The following DPP6 variants were observed in gnomAD, a reference collection of about 807,000 sequenced individuals.
The protein encoded by DPP6 is A-type potassium channel modulatory protein DPP6.
Under a neutral mutation model 122.6 loss-of-function variants are expected in DPP6, and 69 were observed. That is an observed-to-expected ratio of 0.56 (90% CI 0.46 to 0.69). The LOEUF is 0.69. Among genes scored for constraint, DPP6 ranks in the 30% least tolerant of loss-of-function variants. The pLI, the probability that DPP6 is intolerant of heterozygous loss-of-function variation, is 0.00. For synonymous variants in DPP6, 418 were observed against 433.1 expected, an observed-to-expected ratio of 0.97 and a Z score of 0.43; for missense variants, 928 against 1,116.9, an observed-to-expected ratio of 0.83 and a Z score of 2.41.
intron 5 of DPP6, among the ~76,000 whole-genome samples, chr7:154,623,404 C>T (rs751669144): frequency 1.6e-4 from 25 of 152,124 alleles, no homozygotes; most frequent in Non-Finnish European, 3.1e-4. Context: ...GTGGGAGGGG[C>T]GGTGCCTTTT....
intron 1 of DPP6, among the ~76,000 whole-genome samples, chr7:153,969,517 T>C (rs2129032627): frequency 6.8e-6 from 1 of 147,524 alleles, no homozygotes; most frequent in Admixed American, 6.6e-5. Context: ...GATAAACTCA[T>C]TAAATCACAT....
rs141537019 is a variant in DPP6, at chr7:154,362,447, C to A, written c.244-83767C>A. Among the ~76,000 whole-genome samples the A allele has an allele frequency of 1.3e-3, 204 of 152,296 alleles. 2 individuals are homozygous for A. The East Asian group carries it at 0.026, about 19-fold the overall frequency. The stretch of plus-strand genomic sequence containing the variant: ...TTTTGCTTTTTGAGACGGAGTTTCA[C>A]CCTGTTGCCCAGACTGGAATGCAGT... On this transcript the variant is annotated intron_variant, in intron 1 of 25. Transcript: ENST00000377770.
At chr7:154,825,973 A>G (rs940839) in intron 16 of DPP6, among the ~76,000 whole-genome samples, 119,921 of 152,096 alleles carry the variant, frequency 0.79, 47,422 homozygotes, top group Non-Finnish European at 0.82. Context: ...GGTTCCAGCC[A>G]CTCATCCCAC....
intron 17 of DPP6, among the ~76,000 whole-genome samples, chr7:154,865,130 C>T (rs934609286): frequency 6.6e-6 from 1 of 152,212 alleles, no homozygotes; most frequent in Non-Finnish European, 1.5e-5. Flanking sequence ...TTGCCACTAG[C>T]AGACCCCCCC....
intron 1 of DPP6, among the ~76,000 whole-genome samples, chr7:154,093,152 C>T (rs1024614581): frequency 7.3e-6 from 1 of 136,744 alleles, no homozygotes; most frequent in African/African-American, 2.7e-5. Context: ...TGACATCATA[C>T]ATCATACACA....
At chr7:154,704,029 C>G (rs778609622) in intron 7 of DPP6, among the ~76,000 whole-genome samples, 7 of 152,198 alleles carry the variant, frequency 4.6e-5, no homozygotes, top group Non-Finnish European at 8.8e-5. Flanking sequence ...CATTGAAAGC[C>G]TTCTGGAAAG....
intron 1 of DPP6, among the ~76,000 whole-genome samples, chr7:154,259,858 A>G (rs983673687): frequency 3.3e-5 from 5 of 152,290 alleles, no homozygotes; most frequent in African/African-American, 1.2e-4. Flanking sequence ...TGAAGCATCT[A>G]CCGTAAGGAG....
chr7:154,018,608 C>T (rs1254315367), intron 1 of DPP6, among the ~76,000 whole-genome samples: 2 of 152,266 alleles, frequency 1.3e-5, no homozygotes, highest in African/African-American at 4.8e-5. Flanking sequence ...CATGACATTA[C>T]ATAGGAGAGC....
intron 18 of DPP6, among the ~76,000 whole-genome samples, 172 bp from the exon 19 acceptor site, chr7:154,872,452 C>T (rs776867783): frequency 2.6e-5 from 4 of 152,210 alleles, no homozygotes; most frequent in Non-Finnish European, 4.4e-5. Context: ...TGCCCAAGGC[C>T]GCGCAGCAGG....
intron 1 of DPP6, among the ~76,000 whole-genome samples, chr7:154,077,901 C>G (rs191937862): frequency 1.5e-3 from 233 of 152,178 alleles, no homozygotes; most frequent in African/African-American, 5.2e-3. Context: ...GATCTCTTGA[C>G]CTCATGATCT....
At chr7:154,087,517 G>C (rs1354488619) in intron 1 of DPP6, among the ~76,000 whole-genome samples, 11 of 152,210 alleles carry the variant, frequency 7.2e-5, no homozygotes, top group Non-Finnish European at 1.6e-4. Flanking sequence ...TTAGCCGCAG[G>C]CCAGGGACCT....
chr7:154,510,932 ACATG>A (rs1347240270), intron 3 of DPP6, among the ~76,000 whole-genome samples: 2 of 69,210 alleles, frequency 2.9e-5, no homozygotes, highest in Admixed American at 2.1e-4. Context: ...ATACACACAC[ACATG>A]CACACACACA....
intron 8 of DPP6, among the ~76,000 whole-genome samples, chr7:154,759,462 G>A (rs943509479): frequency 6.6e-5 from 10 of 152,212 alleles, no homozygotes; most frequent in African/African-American, 1.4e-4. Context: ...GCAATAGGAC[G>A]GAAGGGGACC....
chr7:154,805,072 A>AC (rs1206084449), intron 15 of DPP6, 108 bp downstream of exon 15: 2 of 1,422,204 alleles, frequency 1.4e-6, no homozygotes, highest in African/African-American at 2.8e-5. Context: ...GCAAAGACAG[A>AC]CCCCACCACA....
At chr7:154,216,874 G>C (rs1209865788) in intron 1 of DPP6, among the ~76,000 whole-genome samples, 3 of 129,688 alleles carry the variant, frequency 2.3e-5, no homozygotes, top group African/African-American at 8.9e-5. Context: ...TCATATATAT[G>C]TTAAAGCTTA....
At chr7:154,414,874 C>T (rs1035276114) in intron 1 of DPP6, among the ~76,000 whole-genome samples, 6 of 152,204 alleles carry the variant, frequency 3.9e-5, no homozygotes, top group African/African-American at 1.4e-4. Context: ...ATCTGAAGCT[C>T]TGGTGGCTTT....
chr7:154,136,105 G>A (rs1395432520), intron 1 of DPP6, among the ~76,000 whole-genome samples: 1 of 152,144 alleles, frequency 6.6e-6, no homozygotes, highest in African/African-American at 2.4e-5. Flanking sequence ...CCTCTCTTGT[G>A]TTTCTCCAAT....
intron 8 of DPP6, among the ~76,000 whole-genome samples, chr7:154,746,499 C>A (rs1587006520): frequency 6.6e-6 from 1 of 152,136 alleles, no homozygotes; most frequent in Non-Finnish European, 1.5e-5. Context: ...TTTTGGAAAT[C>A]CCCACCAGAA....
intron 1 of DPP6, among the ~76,000 whole-genome samples, chr7:154,294,977 T>A (rs976740038): frequency 3.9e-5 from 6 of 152,018 alleles, no homozygotes; most frequent in Non-Finnish European, 8.8e-5. Context: ...TGGCAGGAGG[T>A]GACCGAGGAG....
Sources: gnomAD v4.1 joint callset for allele counts (sites outside exome capture counted in the v4.1 genomes callset) on GRCh38, gnomAD v4.1.1 for gene constraint, MANE v1.5 for transcripts, NCBI Gene and HGNC (gene_info 2026-07-23, HGNC 2026-07-21) for gene names.